The following PNPLA7 variants were observed in gnomAD, a reference collection of about 807,000 sequenced individuals.
The protein encoded by PNPLA7 is patatin-like phospholipase domain-containing protein 7.
PNPLA7 carries 153 observed loss-of-function variants against 161.7 expected under a neutral mutation model. The ratio of observed to expected loss-of-function variants is 0.95; its 90% CI spans 0.83 to 1.08. The LOEUF (loss-of-function observed/expected upper bound fraction) is 1.08, where lower values mean the gene tolerates loss of function less well. Ranked by LOEUF, PNPLA7 falls within the 50% of genes least tolerant of loss-of-function variation. The pLI, the probability that PNPLA7 is intolerant of heterozygous loss-of-function variation, is 0.00. For synonymous variants in PNPLA7, 809 were observed against 782.1 expected (o/e 1.03, Z -0.57); for missense variants, 1,739 against 1,856.6 (o/e 0.94, Z 1.16).
chr9:137,484,169 C>T (rs1003723702), intron 21 of PNPLA7, among the ~76,000 whole-genome samples: 6 of 152,068 alleles, frequency 3.9e-5, no homozygotes, highest in East Asian at 1.9e-4. Context: ...CTCCTGACCT[C>T]GGCCTCCCAA....
Position 137,508,461 on chromosome 9 carries a change from G to A in PNPLA7, c.1226-2378C>T, listed in dbSNP as rs141494424. Among the ~76,000 whole-genome samples the A allele has an allele frequency of 7.7e-3, 1,175 of 151,952 alleles. 13 individuals are homozygous for A. The highest frequency in any genetic ancestry group is 0.027 in the African/African-American group (1,114 of 41,418). On this transcript the variant is annotated intron_variant, in intron 12 of 34. Coordinates refer to ENST00000406427, the MANE Select transcript of PNPLA7 (RefSeq NM_001098537.3). Reference sequence around the variant, plus strand: ...GGGCGCCTGTAATTAACAGCTACTCGGCGGCTGAGGCAGGAGAATTGCTTG... The same window carrying A: ...GGGCGCCTGTAATTAACAGCTACTCAGCGGCTGAGGCAGGAGAATTGCTTG...
At position 137,515,511 on chromosome 9, in the gene PNPLA7, C is replaced by G; in HGVS notation, c.1093G>C (p.Gly365Arg). The change falls in exon 12 of 35, where the codon GGC becomes CGC. Residue 365 changes from glycine to arginine, a missense_variant. By Grantham distance (125) the Gly-to-Arg change is moderately radical (BLOSUM62 -2). Around this residue, in one of 6 missense-constraint regions of PNPLA7, gnomAD observed 481 missense variants for 450.0 expected, o/e 1.07. Coordinates refer to ENST00000406427, the MANE Select transcript of PNPLA7 (RefSeq NM_001098537.3). Reference protein sequence around the residue: ...LQESCDSDHGGGRPAAAGPLL... With the variant: ...LQESCDSDHGRGRPAAAGPLL... Reference sequence around the variant, plus strand: ...GGCCCAGCAGCTGCCGGGCGGCCGCCCCCGTGATCTGCTGGGGAGGCAGCC... The same window carrying G: ...GGCCCAGCAGCTGCCGGGCGGCCGCGCCCGTGATCTGCTGGGGAGGCAGCC... 6.4e-7 allele frequency: 1 copy of G among 1,554,368 alleles called. No individual in the cohort carries two copies. The highest frequency in any genetic ancestry group is 1.2e-5 in the South Asian group (1 of 82,922).
rs1054027764 is a variant in PNPLA7, at chr9:137,499,155, C to T, written c.1758-910G>A. Among the ~76,000 whole-genome samples the T allele has an allele frequency of 6.6e-6, 1 of 150,644 alleles. No individual in the cohort carries two copies. Among genetic ancestry groups the T allele is most frequent in the South Asian group, 2.1e-4 (1 of 4,718 alleles). Reference sequence around the variant, plus strand: ...ACACACAGACACACGGAGACAGAGACACTCGCAGACACACGGACACACGGA... The same window carrying T: ...ACACACAGACACACGGAGACAGAGATACTCGCAGACACACGGACACACGGA... On this transcript the variant is annotated intron_variant, in intron 16 of 34. Coordinates refer to ENST00000406427, the MANE Select transcript of PNPLA7 (RefSeq NM_001098537.3). The surrounding 1 kb of genome is among the most constrained non-coding windows in gnomAD (Gnocchi z 5.5).
At chr9:137,517,114 C>G (rs1834630964) in intron 11 of PNPLA7, among the ~76,000 whole-genome samples, 1 of 145,358 alleles carries the variant, frequency 6.9e-6, no homozygotes, top group Non-Finnish European at 1.5e-5. Context: ...CTCACTCACT[C>G]ACTCCACTCT....
chr9:137,502,993 C>A (rs1308190096), intron 14 of PNPLA7, among the ~76,000 whole-genome samples: 1 of 151,810 alleles, frequency 6.6e-6, no homozygotes, highest in Non-Finnish European at 1.5e-5. Context: ...GTGGTGTGAT[C>A]GTTACTGTGA....
intron 1 of PNPLA7, among the ~76,000 whole-genome samples, chr9:137,548,264 A>G (rs555744488): frequency 3.1e-4 from 47 of 152,310 alleles, no homozygotes; most frequent in African/African-American, 1.1e-3. Context: ...GAAGACGAGA[A>G]GACGACACCA....
rs766868878 is a variant in PNPLA7 at position 137,540,139 on chromosome 9, C to G, written c.747+503G>C. 2.6e-5 allele frequency among the ~76,000 whole-genome samples: 4 copies of G among 152,178 alleles called. No homozygotes were observed. The highest frequency in any genetic ancestry group is 5.9e-5 in the Non-Finnish European group (4 of 68,020). Reference sequence around the variant, plus strand: ...ATCCCTGGGACCCTGCAAGTCCACCCTAGGATTTATCCTGCAGATCAGGCT... The same window carrying G: ...ATCCCTGGGACCCTGCAAGTCCACCGTAGGATTTATCCTGCAGATCAGGCT... On this transcript the variant is annotated intron_variant, in intron 8 of 34. Coordinates refer to ENST00000406427, the MANE Select transcript of PNPLA7 (RefSeq NM_001098537.3). This position sits in a 1 kb window ranked among gnomAD's most constrained non-coding sequence, Gnocchi z 5.1.
Position 137,484,716 on chromosome 9 carries a change from T to TG in PNPLA7, c.2217dup (p.Thr740HisfsTer51), listed in dbSNP as rs1380536619. 6.2e-7 allele frequency: 1 copy of TG among 1,610,852 alleles called. No homozygotes were observed. On this transcript the variant is annotated frameshift_variant, in exon 21 of 35. Coordinates refer to ENST00000406427, the MANE Select transcript of PNPLA7 (RefSeq NM_001098537.3). LOFTEE classifies it high-confidence loss of function. ...CCCAAGTCCCACTTGCTGCCCTCCG[T>TG]GGGGAGCCCAAGCTGGTGGCCTGTG...
intron 12 of PNPLA7, among the ~76,000 whole-genome samples, chr9:137,506,435 G>A (rs561388182): frequency 1.3e-5 from 2 of 152,288 alleles, no homozygotes; most frequent in South Asian, 2.1e-4. Context: ...CTGACGGCTC[G>A]CTGCGGCCAA....
chr9:137,465,520 G>A (rs1418722297), intron 26 of PNPLA7, among the ~76,000 whole-genome samples: 1 of 152,192 alleles, frequency 6.6e-6, no homozygotes, highest in Non-Finnish European at 1.5e-5. Flanking sequence ...GTTCTGTCCC[G>A]AGGACGCTGT....
chr9:137,547,734 A>C lies in PNPLA7; in HGVS notation c.31-75T>G. 8 of 1,388,514 alleles carry C rather than the reference A, an allele frequency of 5.8e-6. 1 individual carries two copies. The South Asian group carries it at 9.3e-5, about 16-fold the overall frequency. 86.0% of individuals were successfully genotyped at this position (1,388,514 alleles called of 1,614,324 possible). A position where few individuals can be genotyped will look rare whatever the true frequency, so the allele number is the denominator to read the frequency against. ...CGAACTTGTTCAGAGCAGCAGGAGG[A>C]GAGCTGGGAGTTAGGGGAGAAGTCA... On this transcript the variant is annotated intron_variant, in intron 1 of 34. Coordinates refer to ENST00000406427, the MANE Select transcript of PNPLA7 (RefSeq NM_001098537.3). The surrounding 1 kb of genome is among the most constrained non-coding windows in gnomAD (Gnocchi z 4.6).
In PNPLA7 at chr9:137,501,017, A is replaced by G. The variant is rs1833378994; in HGVS notation, c.1552-121T>C. The stretch of plus-strand genomic sequence containing the variant: ...CGGGAGACCATCCGCCGACCTGATC[A>G]GCTCTGGGCATGGACTTCACTGGAA... On this transcript the variant is annotated intron_variant, in intron 15 of 34. Transcript: ENST00000406427. 26 of 785,640 alleles carry G rather than the reference A, an allele frequency of 3.3e-5. 1 individual carries two copies. In the South Asian group the frequency reaches 4.4e-4, roughly 13 times the overall value. 48.7% of individuals were successfully genotyped at this position (785,640 alleles called of 1,614,324 possible).
chr9:137,550,333 A>C lies in PNPLA7; in HGVS notation c.-136T>G. On this transcript the variant is annotated 5_prime_UTR_variant, in exon 1 of 35. Transcript: ENST00000406427. The stretch of plus-strand genomic sequence containing the variant: ...TTCAAGTCAAATTATGTTTCACTGA[A>C]AGGAAAATCCTGCTGAAAAAGTCTG... The C allele has an allele frequency of 1.0e-6, 1 of 959,052 alleles. No homozygotes were observed. The highest frequency in any genetic ancestry group is 1.7e-6 in the Non-Finnish European group (1 of 604,804). The allele number at this position is 959,052 out of a possible 1,614,324, so 59.4% of individuals were successfully genotyped here.
rs201213487 is a variant in PNPLA7 at position 137,542,604 on chromosome 9, G to A, written c.666+38C>T. On this transcript the variant is annotated intron_variant, in intron 7 of 34. Transcript: ENST00000406427. ...AGAAGACAGACGTGGAGGTAAATGCGCAGCCGCCTGACCCCGCCCCGCCGC... is the reference window on the plus strand; with the variant it reads ...AGAAGACAGACGTGGAGGTAAATGCACAGCCGCCTGACCCCGCCCCGCCGC... 128 of 1,511,546 alleles carry A rather than the reference G, an allele frequency of 8.5e-5. No individual in the cohort carries two copies. In the East Asian group the frequency reaches 2.9e-3, roughly 35 times the overall value. 93.6% of individuals were successfully genotyped at this position (1,511,546 alleles called of 1,614,324 possible). A position where few individuals can be genotyped will look rare whatever the true frequency, so the allele number is the denominator to read the frequency against.
intron 25 of PNPLA7, among the ~76,000 whole-genome samples, chr9:137,472,020 A>G (rs1260404682): frequency 6.6e-6 from 1 of 151,990 alleles, no homozygotes; most frequent in Non-Finnish European, 1.5e-5. Flanking sequence ...CTAAGGATAG[A>G]GAAACACACC....
At chr9:137,461,829 G>T in intron 32 of PNPLA7, 102 bp downstream of exon 32, 1 of 1,333,010 alleles carries the variant, frequency 7.5e-7, no homozygotes, top group Non-Finnish European at 1.0e-6. Flanking sequence ...AGGGCCTGTG[G>T]CCTGAGGAGC....
chr9:137,534,545 G>T (rs1238523635), intron 8 of PNPLA7, among the ~76,000 whole-genome samples: 5 of 152,190 alleles, frequency 3.3e-5, no homozygotes, highest in Non-Finnish European at 5.9e-5. Context: ...AACATACGCA[G>T]ATTCCTTTCT....
chr9:137,491,875 A>G, intron 20 of PNPLA7: 1 of 985,462 alleles, frequency 1.0e-6, no homozygotes, highest in South Asian at 4.7e-5. Flanking sequence ...CAGAGAAGAA[A>G]AAGGAAGCGG....
intron 4 of PNPLA7, among the ~76,000 whole-genome samples, chr9:137,544,460 G>A (rs974691423): frequency 4.6e-5 from 7 of 152,122 alleles, no homozygotes; most frequent in South Asian, 2.1e-4. Flanking sequence ...TCAACAGACC[G>A]CCTCCACTCT....
Sources: gnomAD v4.1 joint callset for allele counts (sites outside exome capture counted in the v4.1 genomes callset) on GRCh38, gnomAD v4.1.1 for gene constraint, gnomAD v4.1.1 regional missense constraint, Gnocchi (gnomAD v3.1) non-coding constraint, MANE v1.5 for transcripts, NCBI Gene and HGNC (gene_info 2026-07-23, HGNC 2026-07-21) for gene names.